Variants in SRGAP1 observed in about 807,000 individuals in gnomAD.
The protein encoded by SRGAP1 is SLIT-ROBO Rho GTPase-activating protein 1.
SRGAP1 carries 43 observed loss-of-function variants against 121.9 expected under a neutral mutation model. That is an observed-to-expected ratio of 0.35 (90% confidence interval 0.28 to 0.46). The LOEUF is 0.46. Among genes scored for constraint, SRGAP1 ranks in the 20% least tolerant of loss-of-function variants. SRGAP1 has a pLI of 1.00. For synonymous variants in SRGAP1, 447 were observed against 485.4 expected (o/e 0.92, Z 1.04); for missense variants, 1,102 against 1,350.9 (o/e 0.82, Z 2.89).
At chr12:63,866,885 T>A (rs1899653724) in intron 1 of SRGAP1, among the ~76,000 whole-genome samples, 1 of 151,902 alleles carries the variant, frequency 6.6e-6, no homozygotes, top group Non-Finnish European at 1.5e-5. Context: ...TTTTTTTTTT[T>A]TGAGACAGGC....
At position 64,152,588 on chromosome 12, in the gene SRGAP1, C is replaced by T. The variant is rs2037130104; in HGVS notation, c.*9916C>T. 1 of 152,274 alleles carries T rather than the reference C, an allele frequency of 6.6e-6. No individual in the cohort carries two copies. The highest frequency in any genetic ancestry group is 6.5e-5 in the Admixed American group (1 of 15,286). 9.4% of individuals were successfully genotyped at this position (152,274 alleles called of 1,614,324 possible). On this transcript the variant is annotated 3_prime_UTR_variant, in exon 22 of 22. Transcript: ENST00000355086. ...GCCTTCCTGCTCACCACCTCCTCTT[C>T]GGAACCTTTAGTTTCAGCCATAGCA...
At chr12:64,124,153 G>A (rs1407444267) in intron 18 of SRGAP1, among the ~76,000 whole-genome samples, 1 of 152,180 alleles carries the variant, frequency 6.6e-6, no homozygotes, top group Non-Finnish European at 1.5e-5. Context: ...TATATAATAA[G>A]GTGAAGCCTA....
intron 4 of SRGAP1, chr12:64,038,845 A>G (rs769674150): frequency 3.3e-5 from 5 of 152,226 alleles, no homozygotes; most frequent in Non-Finnish European, 7.3e-5. Context: ...AAAATATGCT[A>G]TGGGAGTACA....
chr12:63,999,609 C>T (rs2136432641), intron 3 of SRGAP1, among the ~76,000 whole-genome samples: 1 of 152,054 alleles, frequency 6.6e-6, no homozygotes, highest in Admixed American at 6.5e-5. Context: ...CAGGCTTGGG[C>T]AGTTGTCAGG....
chr12:63,931,818 G>A (rs1315638566), intron 1 of SRGAP1, among the ~76,000 whole-genome samples: 1 of 152,140 alleles, frequency 6.6e-6, no homozygotes, highest in African/African-American at 2.4e-5. Flanking sequence ...ACATGCACAT[G>A]GGGATTATTT....
chr12:64,074,385 C>T (rs928092560), intron 8 of SRGAP1, among the ~76,000 whole-genome samples: 28 of 152,098 alleles, frequency 1.8e-4, no homozygotes, highest in African/African-American at 6.5e-4. Flanking sequence ...ATATGAGGGC[C>T]TTTATTTTTT....
chr12:64,050,922 C>T (rs2035228088), intron 6 of SRGAP1, among the ~76,000 whole-genome samples: 1 of 152,076 alleles, frequency 6.6e-6, no homozygotes, highest in Admixed American at 6.6e-5. Flanking sequence ...CGGGGTTTCA[C>T]CATGTTGGCC....
At chr12:64,057,369 T>C (rs1255130053) in intron 6 of SRGAP1, among the ~76,000 whole-genome samples, 3 of 152,190 alleles carry the variant, frequency 2.0e-5, no homozygotes, top group African/African-American at 7.2e-5. Flanking sequence ...AAGTTGCCTG[T>C]AGAAGTTTAG....
chr12:64,026,258 A>G (rs2136479975), intron 4 of SRGAP1, among the ~76,000 whole-genome samples: 1 of 152,308 alleles, frequency 6.6e-6, no homozygotes, highest in East Asian at 1.9e-4. Context: ...ACAGTATTAT[A>G]ATTTTTAAGT....
At chr12:63,942,772 C>T (rs2031911873) in intron 1 of SRGAP1, among the ~76,000 whole-genome samples, 1 of 152,196 alleles carries the variant, frequency 6.6e-6, no homozygotes, top group Admixed American at 6.5e-5. Context: ...TCTCCCAGTG[C>T]CGTCTCCCAG....
intron 1 of SRGAP1, among the ~76,000 whole-genome samples, chr12:63,874,961 G>A (rs2136280687): frequency 6.6e-6 from 1 of 152,194 alleles, no homozygotes; most frequent in African/African-American, 2.4e-5. Flanking sequence ...TGCTGCTCAG[G>A]CTAGAGTGCA....
At chr12:64,017,085 G>A (rs1233810671) in intron 4 of SRGAP1, 73 bp downstream of exon 4, 9 of 877,774 alleles carry the variant, frequency 1.0e-5, no homozygotes, top group Non-Finnish European at 1.6e-5. Context: ...ACTGCTCATT[G>A]TAGTATTCAT....
intron 8 of SRGAP1, among the ~76,000 whole-genome samples, chr12:64,075,924 A>AAAC (rs1350745409): frequency 2.0e-5 from 3 of 148,850 alleles, no homozygotes; most frequent in African/African-American, 7.4e-5. Context: ...TTGTTCAAAA[A>AAAC]AAAAAAAAAG....
chr12:64,015,927 A>G (rs75444820), intron 3 of SRGAP1, among the ~76,000 whole-genome samples: 2,899 of 152,262 alleles, frequency 0.019, 102 homozygotes, highest in African/African-American at 0.067. Flanking sequence ...TCATTTGGAT[A>G]TATGATTTCC....
chr12:63,971,380 T>C (rs1195098817), intron 1 of SRGAP1, among the ~76,000 whole-genome samples: 1 of 152,256 alleles, frequency 6.6e-6, no homozygotes. Flanking sequence ...CAGAGCCCAC[T>C]ACCTGGAAGA....
intron 6 of SRGAP1, among the ~76,000 whole-genome samples, chr12:64,054,631 T>C (rs990760765): frequency 5.9e-5 from 9 of 152,164 alleles, no homozygotes; most frequent in African/African-American, 2.2e-4. Flanking sequence ...GTAAACTGAT[T>C]TAGGCATGGT....
intron 1 of SRGAP1, chr12:63,871,790 A>T (rs2136277575): frequency 7.6e-7 from 1 of 1,310,786 alleles, no homozygotes; most frequent in South Asian, 1.2e-5. Flanking sequence ...CCAGTTCAAA[A>T]TGCTTGCATC....
At chr12:63,982,810 A>G (rs2033289326) in intron 1 of SRGAP1, 1 of 152,192 alleles carries the variant, frequency 6.6e-6, no homozygotes. Flanking sequence ...TAGTTACTGT[A>G]TCTCATTTTC....
At chr12:63,895,824 T>C (rs777379176) in intron 1 of SRGAP1, among the ~76,000 whole-genome samples, 2 of 152,250 alleles carry the variant, frequency 1.3e-5, no homozygotes, top group African/African-American at 4.8e-5. Flanking sequence ...GATCTTTGCC[T>C]CTTTGCTTCA....
Sources: gnomAD v4.1 joint callset for allele counts (sites outside exome capture counted in the v4.1 genomes callset) on GRCh38, gnomAD v4.1.1 for gene constraint, MANE v1.5 for transcripts, NCBI Gene and HGNC (gene_info 2026-07-23, HGNC 2026-07-21) for gene names.